OR2L13: variants seen among roughly 807,000 people sequenced by gnomAD.
OR2L13 encodes the protein olfactory receptor 2L13.
A neutral mutation model predicts 15.3 loss-of-function variants in OR2L13; 14 were observed. The observed-to-expected ratio is 0.91, with a 90% CI of 0.60 to 1.43. The LOEUF (loss-of-function observed/expected upper bound fraction) is 1.43, where lower values mean the gene tolerates loss of function less well. Among genes scored for constraint, OR2L13 ranks in the 40% most tolerant of loss-of-function variants. The pLI, the probability that OR2L13 is intolerant of heterozygous loss-of-function variation, is 0.00. For synonymous variants in OR2L13, 152 were observed against 142.9 expected, an observed-to-expected ratio of 1.06 and a Z score of -0.45; for missense variants, 367 against 387.9, an observed-to-expected ratio of 0.95 and a Z score of 0.45.
At chr1:247,979,125 A>T in the OR2L13 span, among the ~76,000 whole-genome samples, 1 of 152,150 alleles carries the variant, frequency 6.6e-6, no homozygotes, top group Non-Finnish European at 1.5e-5. Context: ...ACTAAAGAAG[A>T]TATAAAAACA....
the OR2L13 span, among the ~76,000 whole-genome samples, chr1:248,080,388 C>G: frequency 6.6e-6 from 1 of 152,158 alleles, no homozygotes; most frequent in African/African-American, 2.4e-5. Flanking sequence ...ATCAACTCAT[C>G]ATCTACATTA....
chr1:248,039,059 G>C, the OR2L13 span: 1 of 1,613,980 alleles, frequency 6.2e-7, no homozygotes, highest in Non-Finnish European at 8.5e-7. Context: ...CAAGATCCCT[G>C]CGATCTCCAA....
the OR2L13 span, chr1:248,051,222 C>T: frequency 6.6e-6 from 1 of 152,190 alleles, no homozygotes; most frequent in African/African-American, 2.4e-5. Context: ...CTGTGAATTT[C>T]ACTACTGTGG....
the OR2L13 span, chr1:248,061,068 T>C: frequency 3.1e-6 from 5 of 1,614,076 alleles, no homozygotes; most frequent in Non-Finnish European, 4.2e-6. Context: ...GCTTTCCTCT[T>C]CACTATCCCA....
the OR2L13 span, among the ~76,000 whole-genome samples, chr1:247,956,788 T>A: frequency 1.0e-3 from 157 of 152,326 alleles, 1 homozygote; most frequent in African/African-American, 3.5e-3. Flanking sequence ...TTTTGCACAT[T>A]GATTTTGTAT....
the OR2L13 span, chr1:247,966,485 G>A: frequency 1.4e-6 from 1 of 740,462 alleles, no homozygotes; most frequent in Non-Finnish European, 2.1e-6. Flanking sequence ...TTAAATCTGT[G>A]TTCCCCTGGC....
At chr1:248,064,253 A>T in the OR2L13 span, among the ~76,000 whole-genome samples, 13,258 of 152,192 alleles carry the variant, frequency 0.087, 603 homozygotes, top group East Asian at 0.16. Context: ...CTCTTGAATA[A>T]GATTAATGCC....
At chr1:248,097,531 T>A (rs1364106217) in intron 1 of OR2L13, among the ~76,000 whole-genome samples, 3 of 152,214 alleles carry the variant, frequency 2.0e-5, no homozygotes, top group Non-Finnish European at 4.4e-5. Context: ...TTCTCTTCCA[T>A]TGCCTAACAA....
At chr1:248,018,402 A>G in the OR2L13 span, among the ~76,000 whole-genome samples, 1 of 152,202 alleles carries the variant, frequency 6.6e-6, no homozygotes, top group African/African-American at 2.4e-5. Flanking sequence ...CTACATGCTA[A>G]TAATTAAATT....
At chr1:248,036,808 A>G in the OR2L13 span, among the ~76,000 whole-genome samples, 1 of 152,130 alleles carries the variant, frequency 6.6e-6, no homozygotes, top group Non-Finnish European at 1.5e-5. Flanking sequence ...TCTTTTGAAG[A>G]TGTAAAGTGA....
At chr1:247,965,297 T>G in the OR2L13 span, 1 of 1,448,456 alleles carries the variant, frequency 6.9e-7, no homozygotes. Flanking sequence ...TGCCATGTCA[T>G]TTTACTTTCT....
chr1:248,076,637 GCTCT>G, the OR2L13 span, among the ~76,000 whole-genome samples: 2 of 151,768 alleles, frequency 1.3e-5, no homozygotes. Context: ...TCATGATTTG[GCTCT>G]CTGTCTGTTA....
the OR2L13 span, among the ~76,000 whole-genome samples, chr1:248,037,753 C>G: frequency 0.037 from 5,567 of 152,226 alleles, 348 homozygotes; most frequent in African/African-American, 0.13. Context: ...GTTTTGCTTT[C>G]CGTGGTTTCT....
At chr1:247,956,858 G>A in the OR2L13 span, among the ~76,000 whole-genome samples, 9 of 152,286 alleles carry the variant, frequency 5.9e-5, no homozygotes, top group African/African-American at 1.4e-4. Context: ...AGACAATGGC[G>A]TTTTCTAGAT....
the OR2L13 span, among the ~76,000 whole-genome samples, chr1:247,940,762 G>A: frequency 1.1e-4 from 17 of 151,412 alleles, no homozygotes; most frequent in Admixed American, 6.6e-4. Flanking sequence ...GTGTGCGCGC[G>A]CTAAGCAATG....
the OR2L13 span, among the ~76,000 whole-genome samples, chr1:248,077,450 C>T: frequency 8.9e-4 from 136 of 152,238 alleles, no homozygotes; most frequent in African/African-American, 2.9e-3. Context: ...TGGTAGAATT[C>T]GGCTGTGAAT....
chr1:248,044,665 C>T, the OR2L13 span, among the ~76,000 whole-genome samples: 56 of 117,464 alleles, frequency 4.8e-4, 8 homozygotes, highest in East Asian at 2.0e-3. Context: ...TAGCCGGGCG[C>T]GGTGGCGGGC....
At chr1:247,986,191 ATG>A in the OR2L13 span, among the ~76,000 whole-genome samples, 27,259 of 151,918 alleles carry the variant, frequency 0.18, 4,999 homozygotes, top group African/African-American at 0.48. Flanking sequence ...GCCAATGCCT[ATG>A]TGTCCTGAAT....
chr1:247,937,284 G>C, the OR2L13 span: 2 of 153,484 alleles, frequency 1.3e-5, no homozygotes, highest in African/African-American at 4.8e-5. Flanking sequence ...CGCGACCGCC[G>C]ACCACGATGA....
Sources: gnomAD v4.1 joint callset for allele counts (sites outside exome capture counted in the v4.1 genomes callset) on GRCh38, gnomAD v4.1.1 for gene constraint, MANE v1.5 for transcripts, NCBI Gene and HGNC (gene_info 2026-07-23, HGNC 2026-07-21) for gene names.